The following SORBS3 variants were observed in gnomAD, a reference collection of about 807,000 sequenced individuals.
The protein encoded by SORBS3 is sorbin and SH3 domain containing 3.
SORBS3 carries 69 observed loss-of-function variants against 98.0 expected under a neutral mutation model. That is an observed-to-expected ratio of 0.70 (90% CI 0.58 to 0.86). The LOEUF is 0.86. Among genes scored for constraint, SORBS3 ranks in the 40% least tolerant of loss-of-function variants. The probability of loss-of-function intolerance (pLI) is 0.00; values close to 1 mark genes in which losing one functional copy is unlikely to be tolerated. For missense variants in SORBS3, 954 were observed against 908.5 expected (o/e 1.05, Z -0.64); for synonymous variants, 394 against 355.4 (o/e 1.11, Z -1.22).
At chr8:22,573,062 C>T (rs753946197) in intron 20 of SORBS3, among the ~76,000 whole-genome samples, 1 of 152,168 alleles carries the variant, frequency 6.6e-6, no homozygotes, top group Non-Finnish European at 1.5e-5. Context: ...GCCAGAAGCC[C>T]CCTGCCCTGC....
At chr8:22,551,776 C>A, upstream of SORBS3, 1 of 985,178 alleles carries the variant, frequency 1.0e-6, no homozygotes, top group Non-Finnish European at 1.2e-6. The surrounding 1 kb of genome is among the most constrained non-coding windows in gnomAD (Gnocchi z 5.8). Flanking sequence ...GATCCGAGAC[C>A]CAAACTCCGC....
At chr8:22,549,854 CTT>C, upstream of SORBS3, 1 of 422,372 alleles carries the variant, frequency 2.4e-6, no homozygotes, top group Non-Finnish European at 3.2e-6. Flanking sequence ...AAGTGGGGAA[CTT>C]TGTCAGCTCT....
chr8:22,564,375 T>C lies in SORBS3; in HGVS notation c.762+6T>C. 6.2e-7 allele frequency: 1 copy of C among 1,613,792 alleles called. No homozygotes were observed. The highest frequency in any genetic ancestry group is 8.5e-7 in the Non-Finnish European group (1 of 1,179,816). On this transcript the variant is annotated splice_donor_region_variant and intron_variant, in intron 9 of 20. Transcript: ENST00000240123. Reference sequence around the variant, plus strand: ...AACTAGAGACTGGGCAGAGGGTGAGTGCTGGCTGGCTCTCGGGGTGTGCAC... The same window carrying C: ...AACTAGAGACTGGGCAGAGGGTGAGCGCTGGCTGGCTCTCGGGGTGTGCAC...
At chr8:22,567,222 A>C (rs1232276058) in intron 16 of SORBS3, 47 bp downstream of exon 16, 2 of 1,299,270 alleles carry the variant, frequency 1.5e-6, no homozygotes, top group Non-Finnish European at 2.2e-6. Context: ...GGGAGGGCGC[A>C]GGGGTTGGGA....
chr8:22,566,782 C>T (rs753129694), intron 14 of SORBS3, 40 bp from the exon 15 acceptor site: 1 of 1,613,882 alleles, frequency 6.2e-7, no homozygotes, highest in South Asian at 1.1e-5. Context: ...CTGCCACCCG[C>T]CCAACTGAGA....
chr8:22,572,098 C>A (rs2280888), intron 19 of SORBS3, among the ~76,000 whole-genome samples: 2 of 152,166 alleles, frequency 1.3e-5, no homozygotes, highest in East Asian at 3.9e-4. Context: ...AAGTGTGGAA[C>A]TGGTGGAATG....
chr8:22,554,806 A>ATCCC lies in SORBS3; in HGVS notation c.103-48_103-45dup. ...GGGGTGTGGGCTGTGCCTAGTAGCC[A>ATCCC]TCCCTCCCTCCCGCCCTGCTGGGCC... On this transcript the variant is annotated intron_variant, in intron 2 of 20. Coordinates refer to ENST00000240123, the MANE Select transcript of SORBS3 (RefSeq NM_005775.5). The surrounding 1 kb of genome is among the most constrained non-coding windows in gnomAD (Gnocchi z 6.5). The ATCCC allele has an allele frequency of 6.9e-7, 1 of 1,446,484 alleles. No individual in the cohort carries two copies. The highest frequency in any genetic ancestry group is 1.2e-5 in the South Asian group (1 of 85,366). The allele number at this position is 1,446,484 out of a possible 1,614,324, so 89.6% of individuals were successfully genotyped here.
rs969459810 is a variant in SORBS3, at chr8:22,561,301, C to G, written c.479-34C>G. The G allele has an allele frequency of 3.2e-6, 5 of 1,560,240 alleles. No homozygotes were observed. In the African/African-American group the frequency reaches 4.1e-5, roughly 13 times the overall value. ...GGGCACCCTGCCCTTGCTTTCTGCC[C>G]CGTCCCATGACCTGGTCCCTTCTGC... On this transcript the variant is annotated intron_variant, in intron 5 of 20. Coordinates refer to ENST00000240123, the MANE Select transcript of SORBS3 (RefSeq NM_005775.5).
chr8:22,567,783 G>A (rs1345310512), intron 16 of SORBS3, among the ~76,000 whole-genome samples: 1 of 151,818 alleles, frequency 6.6e-6, no homozygotes, highest in Non-Finnish European at 1.5e-5. Flanking sequence ...TGGCATAAAG[G>A]TGTTCATTAT....
At position 22,575,174 on chromosome 8, in the gene SORBS3, C is replaced by A. The variant is rs2117319479; in HGVS notation, c.*446C>A. On this transcript the variant is annotated 3_prime_UTR_variant, in exon 21 of 21. Transcript: ENST00000240123. ...CCGCCTGCTGGGGTTCCTCCCAGCA[C>A]CCCAGCTTGCTGGCTGCCCTCTTTG... 2 of 319,252 alleles carry A rather than the reference C, an allele frequency of 6.3e-6. No homozygotes were observed. The highest frequency in any genetic ancestry group is 4.9e-5 in the South Asian group (2 of 40,926). 19.8% of individuals were successfully genotyped at this position (319,252 alleles called of 1,614,324 possible).
intron 5 of SORBS3, among the ~76,000 whole-genome samples, chr8:22,558,413 G>C (rs1344550888): frequency 6.6e-6 from 1 of 152,238 alleles, no homozygotes; most frequent in Non-Finnish European, 1.5e-5. Flanking sequence ...ACCAGCCACT[G>C]TCCCACAGTG....
chr8:22,572,498 G>A (rs1482314721), intron 20 of SORBS3, 52 bp downstream of exon 20: 4 of 1,409,838 alleles, frequency 2.8e-6, no homozygotes. Flanking sequence ...GGATGTGGGT[G>A]GGGTGCTGTT....
intron 1 of SORBS3, among the ~76,000 whole-genome samples, chr8:22,553,568 C>A (rs1176536945): frequency 6.6e-6 from 1 of 152,196 alleles, no homozygotes; most frequent in Non-Finnish European, 1.5e-5. Flanking sequence ...CTCCCTTCCC[C>A]TTCCCCAGCC....
At chr8:22,558,962 G>A (rs1200590172) in intron 5 of SORBS3, among the ~76,000 whole-genome samples, 1 of 152,254 alleles carries the variant, frequency 6.6e-6, no homozygotes, top group African/African-American at 2.4e-5. Flanking sequence ...AGGAGCATGT[G>A]GTGGGAGATG....
In SORBS3 at chr8:22,574,853, AC is replaced by A. The variant is rs1414670718; in HGVS notation, c.*130del. On this transcript the variant is annotated 3_prime_UTR_variant, in exon 21 of 21. Transcript: ENST00000240123. ...CCTGAGCTCCCAGCATCTGCAGACG[AC>A]CCCCGCAGCCTTTCCCTCGGACCCC... The A allele has an allele frequency of 2.1e-6, 2 of 932,288 alleles. No homozygotes were observed. The highest frequency in any genetic ancestry group is 2.6e-5 in the South Asian group (2 of 76,550). The allele number at this position is 932,288 out of a possible 1,614,324, so 57.8% of individuals were successfully genotyped here.
In SORBS3 at chr8:22,565,301, G is replaced by A. The variant is rs1173371101; in HGVS notation, c.850G>A (p.Ala284Thr). The stretch of plus-strand genomic sequence containing the variant: ...GGAGAGAGAGCTGGCCGAGCTGAGC[G>A]CCGAGCTGGACAAGGACCTGCGGGC... Reference protein sequence around the residue: ...LLERELAELSAELDKDLRAIE... With the variant: ...LLERELAELSTELDKDLRAIE... The change falls in exon 11 of 21, where the codon GCC becomes ACC. Residue 284 changes from alanine (A) to threonine (T), a missense_variant. Coordinates refer to ENST00000240123, the MANE Select transcript of SORBS3 (RefSeq NM_005775.5). The A allele has an allele frequency of 1.9e-6, 3 of 1,558,348 alleles. No individual in the cohort carries two copies. Among genetic ancestry groups the A allele is most frequent in the South Asian group, 2.4e-5 (2 of 84,594 alleles).
chr8:22,552,064 C>T (rs955669637), intron 1 of SORBS3, 42 bp downstream of exon 1: 4 of 985,270 alleles, frequency 4.1e-6, no homozygotes, highest in Non-Finnish European at 4.8e-6. Flanking sequence ...GCGAGGCCGG[C>T]GGGAGGGATC....
At chr8:22,573,454 G>A (rs189457678) in intron 20 of SORBS3, 7 of 452,204 alleles carry the variant, frequency 1.5e-5, no homozygotes, top group African/African-American at 6.0e-5. Context: ...TTCAGCTGTT[G>A]AAATGTAGCT....
intron 18 of SORBS3, 47 bp downstream of exon 18, chr8:22,571,268 T>C (rs762633121): frequency 4.4e-6 from 5 of 1,131,260 alleles, no homozygotes; most frequent in Non-Finnish European, 5.0e-6. Flanking sequence ...TCCTCACCCC[T>C]CATCCCCCAC....
Sources: allele counts gnomAD v4.1 joint callset (sites outside exome capture counted in the v4.1 genomes callset), GRCh38; gene constraint gnomAD v4.1.1; non-coding constraint Gnocchi (gnomAD v3.1); transcripts MANE v1.5; gene names NCBI Gene and HGNC (gene_info 2026-07-23, HGNC 2026-07-21).